The following EXTL2 variants were observed in gnomAD, a reference collection of about 807,000 sequenced individuals.
The protein encoded by EXTL2 is exostosin-like 2.
In EXTL2, 23 loss-of-function variants were observed where a neutral mutation model predicts 30.7. The observed-to-expected ratio is 0.75, with a 90% CI of 0.54 to 1.06. The LOEUF is 1.06. EXTL2 is among the 50% of genes least tolerant of loss of function. EXTL2 has a pLI of 0.00. For missense variants in EXTL2, 352 were observed against 396.3 expected (o/e 0.89, Z 0.95); for synonymous variants, 123 against 133.8 (o/e 0.92, Z 0.56).
In EXTL2 at chr1:100,892,924, G is replaced by A. The variant is rs536219297; in HGVS notation, c.-72+1709C>T. Among the ~76,000 whole-genome samples, 445 of 152,314 alleles carry A rather than the reference G, an allele frequency of 2.9e-3. 3 individuals carry two copies. The highest frequency in any genetic ancestry group is 5.1e-3 in the Non-Finnish European group (348 of 68,016). On this transcript the variant is annotated intron_variant, in intron 1 of 4. Coordinates refer to ENST00000370114, the MANE Select transcript of EXTL2 (RefSeq NM_001033025.3). The stretch of plus-strand genomic sequence containing the variant: ...ATGCCAGGGTTGATTACTGAGGAAT[G>A]ACAGATAGCATCTTTCCTATTCCTT...
intron 3 of EXTL2, 121 bp from the exon 4 acceptor site, chr1:100,876,985 A>G: frequency 1.6e-6 from 1 of 639,174 alleles, no homozygotes; most frequent in Non-Finnish European, 2.7e-6. Context: ...ACAATAAATA[A>G]GCAATGTATT....
At chr1:100,891,225 G>A (rs1427048447) in intron 1 of EXTL2, among the ~76,000 whole-genome samples, 1 of 152,094 alleles carries the variant, frequency 6.6e-6, no homozygotes, top group African/African-American at 2.4e-5. Flanking sequence ...TTATGTAATG[G>A]CATTTAGGTT....
intron 2 of EXTL2, chr1:100,885,759 T>C (rs926787404): frequency 5.3e-5 from 8 of 152,214 alleles, no homozygotes; most frequent in Non-Finnish European, 1.2e-4. Flanking sequence ...GGAAAGTCAT[T>C]CTTTTCATTG....
At chr1:100,881,650 A>G (rs1186152884) in intron 2 of EXTL2, among the ~76,000 whole-genome samples, 1 of 152,182 alleles carries the variant, frequency 6.6e-6, no homozygotes, top group East Asian at 1.9e-4. Context: ...ACTGCAGTAA[A>G]TATAACTTTG....
At chr1:100,892,216 A>G (rs369083878) in intron 1 of EXTL2, among the ~76,000 whole-genome samples, 2 of 152,326 alleles carry the variant, frequency 1.3e-5, no homozygotes, top group East Asian at 3.9e-4. Flanking sequence ...ACCCACTCTC[A>G]GGAAGACCCA....
At chr1:100,888,998 T>C in intron 1 of EXTL2, 170 bp from the exon 2 acceptor site, 2 of 393,036 alleles carry the variant, frequency 5.1e-6, no homozygotes, top group Non-Finnish European at 9.3e-6. Flanking sequence ...GGCAATGAGG[T>C]AGATGATTAA....
rs759336731 is a variant in EXTL2 at position 100,877,562 on chromosome 1, G to A, written c.347C>T (p.Pro116Leu). Residue 116 changes from proline (P) to leucine (L), a missense_variant, in exon 3 of 5, where the codon CCC (proline) becomes CTC (leucine). Physicochemically the swap from Pro to Leu is moderately conservative, Grantham distance 98. Transcript: ENST00000370114. This position sits in a 1 kb window ranked among gnomAD's most constrained non-coding sequence, Gnocchi z 4.1. ...TTTGAAGATCACAGGGATAGGGTGG[G>A]GCCCTAGAGAATTCCATAATTCATC... is the stretch of plus-strand genomic sequence containing the variant. ...APDELWNSLGPHPIPVIFKQQ... is the reference protein window; with the variant it reads ...APDELWNSLGLHPIPVIFKQQ... 2.5e-6 allele frequency: 4 copies of A among 1,613,118 alleles called. No homozygotes were observed. The highest frequency in any genetic ancestry group is 3.4e-6 in the Non-Finnish European group (4 of 1,179,556).
chr1:100,876,706 G>A (rs183894248), intron 4 of EXTL2, 88 bp downstream of exon 4: 64 of 802,424 alleles, frequency 8.0e-5, no homozygotes, highest in Non-Finnish European at 1.7e-5. Context: ...AAATATTTTA[G>A]GTAACTTCTA....
intron 2 of EXTL2, 130 bp from the exon 3 acceptor site, chr1:100,878,033 C>G: frequency 1.4e-6 from 1 of 717,978 alleles, no homozygotes; most frequent in East Asian, 2.7e-5. Flanking sequence ...TCCCTTCCTC[C>G]TCAATAAGGT....
intron 2 of EXTL2, among the ~76,000 whole-genome samples, chr1:100,883,464 G>A (rs563178709): frequency 6.6e-6 from 1 of 152,090 alleles, no homozygotes; most frequent in African/African-American, 2.4e-5. Flanking sequence ...GCCTATTCTG[G>A]ATATTTCATA....
intron 2 of EXTL2, among the ~76,000 whole-genome samples, chr1:100,883,610 C>A (rs1649736051): frequency 6.6e-6 from 1 of 152,120 alleles, no homozygotes; most frequent in Admixed American, 6.6e-5. Flanking sequence ...AAGTAACATT[C>A]CATTCTATGG....
intron 1 of EXTL2, among the ~76,000 whole-genome samples, chr1:100,889,375 G>T (rs895430072): frequency 2.0e-5 from 3 of 152,272 alleles, no homozygotes; most frequent in African/African-American, 7.2e-5. Context: ...GGATTATGGG[G>T]ATTACAATTC....
chr1:100,890,523 G>A (rs183930476), intron 1 of EXTL2, among the ~76,000 whole-genome samples: 1 of 152,140 alleles, frequency 6.6e-6, no homozygotes, highest in Admixed American at 6.5e-5. Context: ...ATATAGTCAG[G>A]CTGCAAATTT....
At position 100,877,572 on chromosome 1, in the gene EXTL2, A is replaced by G. The variant is rs1446923286; in HGVS notation, c.337T>C (p.Ser113Pro). The G allele has an allele frequency of 1.2e-6, 2 of 1,613,310 alleles. No individual in the cohort carries two copies. The change falls in exon 3 of 5, where the codon TCT (serine) becomes CCT (proline). Residue 113 changes from serine to proline, a missense_variant. By Grantham distance (74) the Ser-to-Pro change is moderately conservative. Transcript: ENST00000370114. This position sits in a 1 kb window ranked among gnomAD's most constrained non-coding sequence, Gnocchi z 4.1. ...ACAGGGATAGGGTGGGGCCCTAGAG[A>G]ATTCCATAATTCATCTGGTGCCTTC... The part of the protein sequence containing the change: ...GEKAPDELWN[S>P]LGPHPIPVIF...
At chr1:100,892,640 T>C (rs1279521299) in intron 1 of EXTL2, among the ~76,000 whole-genome samples, 1 of 152,102 alleles carries the variant, frequency 6.6e-6, no homozygotes, top group African/African-American at 2.4e-5. Context: ...GTTCTGTCCC[T>C]CCAGAGAACC....
intron 2 of EXTL2, among the ~76,000 whole-genome samples, chr1:100,883,907 T>C (rs1333925017): frequency 6.6e-6 from 1 of 152,142 alleles, no homozygotes; most frequent in Non-Finnish European, 1.5e-5. Flanking sequence ...ATATAGTATA[T>C]TAAATAACAG....
At chr1:100,886,566 TCCTCTTCC>T (rs1349390365) in intron 2 of EXTL2, among the ~76,000 whole-genome samples, 2 of 152,254 alleles carry the variant, frequency 1.3e-5, no homozygotes, top group Admixed American at 6.5e-5. Flanking sequence ...TTTCTAGTTT[TCCTCTTCC>T]CCTTTCCTAT....
Position 100,894,797 on chromosome 1 carries a change from T to G in EXTL2, c.-236A>C, listed in dbSNP as rs1431810288. 6.6e-6 allele frequency: 1 copy of G among 152,150 alleles called. No homozygotes were observed. The highest frequency in any genetic ancestry group is 2.1e-4 in the South Asian group (1 of 4,826). The allele number at this position is 152,150 out of a possible 1,614,324, so 9.4% of individuals were successfully genotyped here. ...AGCTGGATTAACAACCTGGAAAAAG[T>G]GCCGCCCGCAAAGTGAGCGCCTGGA... On this transcript the variant is annotated 5_prime_UTR_variant, in exon 1 of 5. Transcript: ENST00000370114.
intron 2 of EXTL2, chr1:100,885,582 G>C (rs1054552487): frequency 2.0e-5 from 3 of 152,182 alleles, no homozygotes; most frequent in Non-Finnish European, 4.4e-5. Context: ...CCCATGGTAA[G>C]CTTCTTCCAT....
Sources: allele counts gnomAD v4.1 joint callset (sites outside exome capture counted in the v4.1 genomes callset), GRCh38; gene constraint gnomAD v4.1.1; non-coding constraint Gnocchi (gnomAD v3.1); transcripts MANE v1.5; gene names NCBI Gene and HGNC (gene_info 2026-07-23, HGNC 2026-07-21).